The following SYNE1 variants were observed in gnomAD, a reference collection of about 807,000 sequenced individuals.
The protein encoded by SYNE1 is spectrin repeat containing nuclear envelope protein 1, also known as nesprin-1.
A neutral mutation model predicts 1,111.0 loss-of-function variants in SYNE1; 616 were observed. The ratio of observed to expected loss-of-function variants is 0.55; its 90% CI spans 0.52 to 0.59. The LOEUF (loss-of-function observed/expected upper bound fraction) is 0.59, where lower values mean the gene tolerates loss of function less well. Among genes scored for constraint, SYNE1 ranks in the 20% least tolerant of loss-of-function variants. SYNE1 has a pLI of 0.00. For synonymous variants in SYNE1, 3,855 were observed against 3,825.8 expected (o/e 1.01, Z -0.28); for missense variants, 10,006 against 10,417.0 (o/e 0.96, Z 1.72).
At chr6:152,403,628 G>A (rs921507332) in intron 46 of SYNE1, among the ~76,000 whole-genome samples, 3 of 152,040 alleles carry the variant, frequency 2.0e-5, no homozygotes, top group Admixed American at 6.6e-5. Flanking sequence ...AGGCTGAGGT[G>A]GGAGAATTGC....
intron 69 of SYNE1, 28 bp from the exon 70 acceptor site, chr6:152,352,381 G>A (rs2096755645): frequency 6.2e-7 from 1 of 1,603,692 alleles, no homozygotes. Flanking sequence ...TAGGAGCAAA[G>A]GTAGTCTTGT....
At chr6:152,466,460 T>C (rs940302850) in intron 16 of SYNE1, among the ~76,000 whole-genome samples, 1 of 152,194 alleles carries the variant, frequency 6.6e-6, no homozygotes, top group East Asian at 1.9e-4. Context: ...TCTTTGAACA[T>C]TAATCCTGGT....
intron 9 of SYNE1, among the ~76,000 whole-genome samples, chr6:152,504,236 T>C (rs2099045270): frequency 6.6e-6 from 1 of 151,988 alleles, no homozygotes; most frequent in African/African-American, 2.4e-5. Flanking sequence ...GATATCCTAG[T>C]GAAAGTGGGG....
intron 38 of SYNE1, among the ~76,000 whole-genome samples, chr6:152,426,145 G>T (rs773596974): frequency 6.6e-6 from 1 of 152,120 alleles, no homozygotes; most frequent in Non-Finnish European, 1.5e-5. Flanking sequence ...TAAAAGTTGT[G>T]GCTCCTACCT....
chr6:152,444,867 A>G (rs2098564379), intron 29 of SYNE1, among the ~76,000 whole-genome samples: 1 of 152,134 alleles, frequency 6.6e-6, no homozygotes, highest in African/African-American at 2.4e-5. Flanking sequence ...TTAGAACTTA[A>G]TGTTTGTACT....
intron 24 of SYNE1, 130 bp from the exon 25 acceptor site, chr6:152,453,850 C>G: frequency 8.9e-7 from 1 of 1,125,182 alleles, no homozygotes; most frequent in Non-Finnish European, 1.3e-6. Context: ...TCCAGGCACC[C>G]ACTATTGTTT....
At chr6:152,230,431 TGCAAC>T (rs2082523603) in intron 115 of SYNE1, 111 bp downstream of exon 115, 1 of 1,153,342 alleles carries the variant, frequency 8.7e-7, no homozygotes, top group African/African-American at 1.6e-5. Flanking sequence ...TGTTACTAAA[TGCAAC>T]TTTTAAATAT....
intron 87 of SYNE1, among the ~76,000 whole-genome samples, chr6:152,313,095 G>A (rs896039701): frequency 2.0e-5 from 3 of 152,176 alleles, no homozygotes; most frequent in Admixed American, 6.5e-5. Context: ...AAAAAATCAC[G>A]GCGGAGATAT....
In SYNE1 at chr6:152,353,385, C is replaced by T; in HGVS notation, c.11131G>A (p.Glu3711Lys). 6.2e-7 allele frequency: 1 copy of T among 1,614,194 alleles called. No homozygotes were observed. The highest frequency in any genetic ancestry group is 1.3e-5 in the African/African-American group (1 of 75,034). The change falls in exon 69 of 146, where the codon GAA (glutamate) becomes AAA (lysine). Residue 3711 changes from glutamate to lysine, a missense_variant. Around this residue, in one of 7 missense-constraint regions of SYNE1, gnomAD observed 4,955 missense variants for 5,017.2 expected, o/e 0.99. Transcript: ENST00000367255. ...TCAGAATAGGAACTGAGGGATGATTCTGATTCCTCCAAACTCTGAATCTCC... is the reference window on the plus strand; with the variant it reads ...TCAGAATAGGAACTGAGGGATGATTTTGATTCCTCCAAACTCTGAATCTCC... The part of the protein sequence containing the change: ...EEEIQSLEES[E>K]SSLSSYSDWY...
intron 3 of SYNE1, among the ~76,000 whole-genome samples, chr6:152,626,724 G>C (rs1003438657): frequency 1.3e-5 from 2 of 152,188 alleles, no homozygotes; most frequent in Non-Finnish European, 2.9e-5. Flanking sequence ...AACCAGTCCA[G>C]GCAGATAAAC....
At chr6:152,267,657 C>T (rs957756564) in intron 100 of SYNE1, among the ~76,000 whole-genome samples, 5 of 152,162 alleles carry the variant, frequency 3.3e-5, no homozygotes, top group Non-Finnish European at 4.4e-5. Context: ...AAATATTTAA[C>T]GGGCCCCTGC....
intron 8 of SYNE1, among the ~76,000 whole-genome samples, chr6:152,505,854 C>A (rs1289481082): frequency 6.6e-6 from 1 of 152,182 alleles, no homozygotes; most frequent in African/African-American, 2.4e-5. Flanking sequence ...TAACACGTTT[C>A]TAATGGGAAG....
At chr6:152,343,826 C>T (rs1407907928) in intron 74 of SYNE1, among the ~76,000 whole-genome samples, 1 of 151,068 alleles carries the variant, frequency 6.6e-6, no homozygotes, top group East Asian at 2.0e-4. Context: ...TTTTGGCCTC[C>T]CAAAGTGCTG....
rs78096668 is a variant in SYNE1 at position 152,214,736 on chromosome 6, G to C, written c.22346+170C>G. 0.011 allele frequency among the ~76,000 whole-genome samples: 1,717 copies of C among 152,322 alleles called. 38 individuals carry two copies. Among genetic ancestry groups the C allele is most frequent in the African/African-American group, 0.039 (1,601 of 41,570 alleles). ...TGAAAGCAGAGAGCAGCCCTCACCA[G>C]ACAACTGAATCTGCTAGCACCTTGA... On this transcript the variant is annotated intron_variant, in intron 122 of 145. Transcript: ENST00000367255.
At chr6:152,294,743 T>C (rs1339855137) in intron 93 of SYNE1, among the ~76,000 whole-genome samples, 1 of 152,168 alleles carries the variant, frequency 6.6e-6, no homozygotes, top group African/African-American at 2.4e-5. Context: ...ACAAAGTGAA[T>C]GATGAAATAT....
chr6:152,278,558 G>A (rs562913840), intron 97 of SYNE1, among the ~76,000 whole-genome samples: 123 of 152,080 alleles, frequency 8.1e-4, no homozygotes, highest in Non-Finnish European at 1.5e-3. Context: ...CGCCTCCCAG[G>A]TTCACGCCAT....
At chr6:152,382,981 T>C (rs1388391653) in intron 55 of SYNE1, among the ~76,000 whole-genome samples, 6 of 152,210 alleles carry the variant, frequency 3.9e-5, no homozygotes, top group Non-Finnish European at 8.8e-5. Flanking sequence ...CTCACACCCA[T>C]ATACATTTTG....
At position 152,326,502 on chromosome 6, in the gene SYNE1, C is replaced by T; in HGVS notation, c.15087G>A (p.Glu5029=). 1.2e-6 allele frequency: 2 copies of T among 1,614,166 alleles called. No individual in the cohort carries two copies. The highest frequency in any genetic ancestry group is 1.7e-6 in the Non-Finnish European group (2 of 1,180,038). The change falls in exon 79 of 146, where the codon GAG becomes GAA. Residue 5029 remains glutamate (E), a synonymous_variant. Transcript: ENST00000367255. Reference sequence around the variant, plus strand: ...ATTCCATGTGGCTTTTGAGATTTTCCTCTGCGCTCTCCACGTCTAGGCCAT... The same window carrying T: ...ATTCCATGTGGCTTTTGAGATTTTCTTCTGCGCTCTCCACGTCTAGGCCAT... ...AGNGLDVESA[E]ENLKSHMEFF...
chr6:152,157,760 C>CTTT (rs545941179), intron 131 of SYNE1, among the ~76,000 whole-genome samples: 3 of 135,158 alleles, frequency 2.2e-5, no homozygotes, highest in Non-Finnish European at 3.3e-5. Context: ...AGAACAAATT[C>CTTT]TTTTTTTTTT....
Sources: gnomAD v4.1 joint callset for allele counts (sites outside exome capture counted in the v4.1 genomes callset) on GRCh38, gnomAD v4.1.1 for gene constraint, gnomAD v4.1.1 regional missense constraint, MANE v1.5 for transcripts, NCBI Gene and HGNC (gene_info 2026-07-23, HGNC 2026-07-21) for gene names.